Variants in CPSF7 observed in about 807,000 individuals in gnomAD.
CPSF7 encodes cleavage and polyadenylation specificity factor subunit 7.
In CPSF7, 1 loss-of-function variant was observed where a neutral mutation model predicts 44.3. The observed-to-expected ratio is 0.02, with a 90% CI of 0.01 to 0.11. The LOEUF (loss-of-function observed/expected upper bound fraction) is 0.11. CPSF7 is among the 10% of genes least tolerant of loss of function. The probability of loss-of-function intolerance (pLI) is 1.00; values close to 1 mark genes in which losing one functional copy is unlikely to be tolerated. For missense variants in CPSF7, 443 were observed against 607.2 expected, an observed-to-expected ratio of 0.73 and a Z score of 2.84; for synonymous variants, 202 against 222.0, an observed-to-expected ratio of 0.91 and a Z score of 0.80.
At chr11:61,429,059 T>C (rs1861669843) in intron 2 of CPSF7, 123 bp downstream of exon 2, 2 of 566,860 alleles carry the variant, frequency 3.5e-6, no homozygotes, top group Non-Finnish European at 6.4e-6. Context: ...AGGAGAAAAA[T>C]TTTAGACCGG....
chr11:61,406,870 A>G (rs948267399), intron 9 of CPSF7, among the ~76,000 whole-genome samples: 1 of 152,002 alleles, frequency 6.6e-6, no homozygotes, highest in Non-Finnish European at 1.5e-5. Context: ...AGTGCCCCCA[A>G]GTAGCTGGGA....
rs191442547 is a variant in CPSF7, at chr11:61,423,581, A to G, written c.55-1973T>C. Among the ~76,000 whole-genome samples, 222 of 152,336 alleles carry G rather than the reference A, an allele frequency of 1.5e-3. 3 individuals are homozygous for G. The highest frequency in any genetic ancestry group is 6.0e-3 in the Admixed American group (92 of 15,292). On this transcript the variant is annotated intron_variant, in intron 2 of 9. Coordinates refer to ENST00000439958, the MANE Select transcript of CPSF7 (RefSeq NM_001142565.3). ...TGCTGCCAAAATGACAGAGACAGCA[A>G]GTAGTTCAGTGTTTTAAGGATGCTA... is the stretch of plus-strand genomic sequence containing the variant.
At chr11:61,429,661 AG>A (rs1462848222) in intron 1 of CPSF7, 7 of 1,371,736 alleles carry the variant, frequency 5.1e-6, no homozygotes, top group Non-Finnish European at 6.0e-6. Flanking sequence ...CTCCGGCCAG[AG>A]CCCCCAGGTG....
At chr11:61,407,047 A>C (rs190423179) in intron 9 of CPSF7, among the ~76,000 whole-genome samples, 32 of 152,330 alleles carry the variant, frequency 2.1e-4, no homozygotes, top group African/African-American at 7.0e-4. Flanking sequence ...TTGAAGTTAC[A>C]GGCATGAGCC....
intron 9 of CPSF7, among the ~76,000 whole-genome samples, chr11:61,405,351 A>G (rs753790502): frequency 5.9e-5 from 9 of 152,208 alleles, no homozygotes; most frequent in Non-Finnish European, 1.2e-4. Context: ...CAAGTGTACT[A>G]AAACTCGAGA....
At chr11:61,410,774 C>T (rs1468546775) in intron 9 of CPSF7, 164 bp downstream of exon 9, 10 of 648,730 alleles carry the variant, frequency 1.5e-5, no homozygotes, top group Non-Finnish European at 2.3e-5. Context: ...GTAAGACTCC[C>T]CATAAATGTG....
intron 5 of CPSF7, among the ~76,000 whole-genome samples, chr11:61,419,026 T>G (rs1472223043): frequency 1.3e-5 from 2 of 151,550 alleles, no homozygotes; most frequent in African/African-American, 4.9e-5. Flanking sequence ...CCCCTAACTT[T>G]TTTATTTTCC....
chr11:61,418,735 T>C (rs954930871), intron 5 of CPSF7, among the ~76,000 whole-genome samples: 5 of 151,908 alleles, frequency 3.3e-5, no homozygotes, highest in South Asian at 2.1e-4. Flanking sequence ...TTTTTTTTTT[T>C]TGAGACAGAG....
At chr11:61,407,909 T>TA (rs1172289689) in intron 9 of CPSF7, among the ~76,000 whole-genome samples, 2 of 152,180 alleles carry the variant, frequency 1.3e-5, no homozygotes, top group Non-Finnish European at 2.9e-5. Context: ...TCATGAACTA[T>TA]AGGGGCTCAC....
intron 9 of CPSF7, among the ~76,000 whole-genome samples, chr11:61,409,808 T>A (rs1441486344): frequency 6.6e-6 from 1 of 151,994 alleles, no homozygotes; most frequent in South Asian, 2.1e-4. Flanking sequence ...GCCCCGCCTC[T>A]ACTAAAAACA....
At chr11:61,420,800 T>C (rs1860791403) in intron 3 of CPSF7, 1 of 581,276 alleles carries the variant, frequency 1.7e-6, no homozygotes, top group Non-Finnish European at 3.0e-6. Context: ...TTAAAACTTA[T>C]TGTAACTTTG....
In CPSF7 at chr11:61,416,390, C is replaced by T. The variant is rs373307890; in HGVS notation, c.653G>A (p.Arg218His). The T allele has an allele frequency of 4.3e-6, 7 of 1,612,518 alleles. No homozygotes were observed. Among genetic ancestry groups the T allele is most frequent in the African/African-American group, 1.3e-5 (1 of 74,712 alleles). ...CATCAGGGGAAGGGCCGAAGGAGGA[C>T]GATTGAAGTAGGGCAGCACACTGGG... is the stretch of plus-strand genomic sequence containing the variant. The part of the protein sequence containing the change: ...KPPSVLPYFN[R>H]PPSALPLMGL... The change falls in exon 6 of 10, where the codon CGT becomes CAT. Residue 218 changes from arginine (R) to histidine (H), a missense_variant. Transcript: ENST00000439958.
chr11:61,423,868 G>T (rs1489435967), intron 2 of CPSF7, among the ~76,000 whole-genome samples: 1 of 152,188 alleles, frequency 6.6e-6, no homozygotes, highest in Non-Finnish European at 1.5e-5. Flanking sequence ...CAGTTTATCT[G>T]AAGTACAGTG....
At chr11:61,406,310 G>A (rs1331729768) in intron 9 of CPSF7, 1 of 152,150 alleles carries the variant, frequency 6.6e-6, no homozygotes, top group African/African-American at 2.4e-5. Flanking sequence ...GCTGCCTCTG[G>A]ACAAAATGTA....
rs1858993315 is a variant in CPSF7 at position 61,402,828 on chromosome 11, T to C, written c.*1882A>G. The C allele has an allele frequency of 6.6e-6, 1 of 152,544 alleles. No individual in the cohort carries two copies. Among genetic ancestry groups the C allele is most frequent in the Non-Finnish European group, 1.5e-5 (1 of 68,012 alleles). The allele number at this position is 152,544 out of a possible 1,614,324, so 9.4% of individuals were successfully genotyped here. ...ACGGGACCTTGGCCTTTTTGAGGGA[T>C]GGGTGTTTTTTTTCCTTTTGCTATC... On this transcript the variant is annotated 3_prime_UTR_variant, in exon 10 of 10. Transcript: ENST00000439958.
At position 61,429,971 on chromosome 11, in the gene CPSF7, T is replaced by A. The variant is rs922876963; in HGVS notation, c.-113A>T. On this transcript the variant is annotated 5_prime_UTR_variant, in exon 1 of 10. Coordinates refer to ENST00000439958, the MANE Select transcript of CPSF7 (RefSeq NM_001142565.3). ...ACTAGGCCCGAAGCGCGCGAACCGC[T>A]CTCCGCCCCAGGTCCCGCCCCCCCC... The A allele has an allele frequency of 1.4e-5, 17 of 1,255,880 alleles. No homozygotes were observed. Among genetic ancestry groups the A allele is most frequent in the Non-Finnish European group, 1.8e-5 (17 of 939,780 alleles). 77.8% of individuals were successfully genotyped at this position (1,255,880 alleles called of 1,614,324 possible). A position where few individuals can be genotyped will look rare whatever the true frequency, so the allele number is the denominator to read the frequency against.
chr11:61,424,584 C>T (rs1195398173), intron 2 of CPSF7, among the ~76,000 whole-genome samples: 3 of 152,166 alleles, frequency 2.0e-5, no homozygotes, highest in African/African-American at 7.2e-5. Context: ...TCCCGAGCAG[C>T]TGGAATTACA....
At chr11:61,415,866 C>T in intron 6 of CPSF7, 82 bp from the exon 7 acceptor site, 2 of 1,085,884 alleles carry the variant, frequency 1.8e-6, no homozygotes, top group South Asian at 2.7e-5. Flanking sequence ...GTAATTTTGG[C>T]ATAACACAGA....
chr11:61,428,672 C>T (rs557934569), intron 2 of CPSF7, among the ~76,000 whole-genome samples: 1 of 152,314 alleles, frequency 6.6e-6, no homozygotes, highest in East Asian at 1.9e-4. Flanking sequence ...CTTCTCATGA[C>T]TGGAGTCAAC....
Sources: allele counts gnomAD v4.1 joint callset (sites outside exome capture counted in the v4.1 genomes callset), GRCh38; gene constraint gnomAD v4.1.1; transcripts MANE v1.5; gene names NCBI Gene and HGNC (gene_info 2026-07-23, HGNC 2026-07-21).